Variants in CDH18 observed in about 807,000 individuals in gnomAD.
CDH18 encodes cadherin-18.
A neutral mutation model predicts 67.9 loss-of-function variants in CDH18; 31 were observed. That is an observed-to-expected ratio of 0.46 (90% CI 0.34 to 0.62). The LOEUF is 0.62. CDH18 is among the 20% of genes least tolerant of loss of function. The pLI, the probability that CDH18 is intolerant of heterozygous loss-of-function variation, is 0.01. For missense variants in CDH18, 890 were observed against 975.5 expected (o/e 0.91, Z 1.17); for synonymous variants, 362 against 347.2 (o/e 1.04, Z -0.48).
intron 2 of CDH18, among the ~76,000 whole-genome samples, chr5:20,232,282 C>CTATATGTTTCATTACCT (rs1554105363): frequency 6.6e-6 from 1 of 151,806 alleles, no homozygotes; most frequent in Non-Finnish European, 1.5e-5. Flanking sequence ...CACAAATGAT[C>CTATATGTTTCATTACCT]TATATGTTTC....
At chr5:19,848,216 A>G (rs1391429) in intron 2 of CDH18, 124,383 of 152,090 alleles carry the variant, frequency 0.82, 52,191 homozygotes, top group Non-Finnish European at 0.91. Context: ...AGTGCTCTGA[A>G]ACAAGTGAGA....
At chr5:20,113,865 T>G (rs1420815160) in intron 2 of CDH18, among the ~76,000 whole-genome samples, 1 of 152,178 alleles carries the variant, frequency 6.6e-6, no homozygotes, top group African/African-American at 2.4e-5. Flanking sequence ...GAGGATGAGC[T>G]TTATGAAAAA....
intron 8 of CDH18, among the ~76,000 whole-genome samples, chr5:19,561,961 G>A (rs1314493132): frequency 6.6e-6 from 1 of 152,020 alleles, no homozygotes; most frequent in Non-Finnish European, 1.5e-5. Flanking sequence ...CAAAATACAG[G>A]TTGTAGACAA....
At chr5:19,941,465 T>C (rs116360583) in intron 2 of CDH18, among the ~76,000 whole-genome samples, 136 of 152,108 alleles carry the variant, frequency 8.9e-4, no homozygotes, top group Non-Finnish European at 1.5e-3. Flanking sequence ...ATGTACTCTG[T>C]ACTGTTTGCT....
chr5:20,004,074 A>C (rs185517412), intron 2 of CDH18, among the ~76,000 whole-genome samples: 1 of 152,334 alleles, frequency 6.6e-6, no homozygotes, highest in African/African-American at 2.4e-5. Context: ...ATCTGAAGCC[A>C]ACTACTTGCT....
chr5:19,854,370 A>G (rs1461385963), intron 2 of CDH18, among the ~76,000 whole-genome samples: 2 of 152,162 alleles, frequency 1.3e-5, no homozygotes, highest in African/African-American at 4.8e-5. Context: ...CAAAATTTCA[A>G]ACTTTATATT....
At chr5:20,318,927 TTCTG>T (rs1459049805) in intron 1 of CDH18, among the ~76,000 whole-genome samples, 2 of 152,048 alleles carry the variant, frequency 1.3e-5, no homozygotes, top group Non-Finnish European at 2.9e-5. Context: ...ACATCAGATT[TTCTG>T]TCTATTTCCT....
At chr5:19,872,761 G>T (rs181983362) in intron 2 of CDH18, among the ~76,000 whole-genome samples, 1 of 152,182 alleles carries the variant, frequency 6.6e-6, no homozygotes, top group African/African-American at 2.4e-5. Context: ...GTAATAAATA[G>T]GTTTCAAGCG....
At chr5:19,597,760 T>C (rs1462812467) in intron 6 of CDH18, among the ~76,000 whole-genome samples, 1 of 152,162 alleles carries the variant, frequency 6.6e-6, no homozygotes, top group Admixed American at 6.5e-5. Flanking sequence ...ATAATCAAAT[T>C]CTCAGCTCAT....
At chr5:20,111,823 G>A (rs902715071) in intron 2 of CDH18, among the ~76,000 whole-genome samples, 2 of 151,966 alleles carry the variant, frequency 1.3e-5, no homozygotes, top group Admixed American at 6.6e-5. Context: ...GATTACAGGC[G>A]TGAGCCACCA....
At chr5:19,905,883 A>T (rs907698090) in intron 2 of CDH18, among the ~76,000 whole-genome samples, 3 of 152,102 alleles carry the variant, frequency 2.0e-5, no homozygotes, top group African/African-American at 4.8e-5. Context: ...GCAATAGATA[A>T]TATTAAAAAA....
At chr5:19,933,315 CT>C (rs1793909427) in intron 2 of CDH18, among the ~76,000 whole-genome samples, 1 of 151,554 alleles carries the variant, frequency 6.6e-6, no homozygotes, top group African/African-American at 2.4e-5. Flanking sequence ...TATCTGTGCT[CT>C]TGTGCAATTT....
intron 2 of CDH18, among the ~76,000 whole-genome samples, chr5:20,233,697 T>C (rs980040377): frequency 1.3e-5 from 2 of 152,138 alleles, no homozygotes; most frequent in African/African-American, 4.8e-5. Context: ...CTTTATTGTA[T>C]TCAAACCTGG....
chr5:20,348,722 G>C (rs78338368), intron 1 of CDH18, among the ~76,000 whole-genome samples: 2,129 of 152,244 alleles, frequency 0.014, 54 homozygotes, highest in African/African-American at 0.048. Flanking sequence ...CTACACATAA[G>C]ATGGGATGAG....
rs149943404 is a variant in CDH18, at chr5:19,902,255, C to T, written c.-256-63013G>A. On this transcript the variant is annotated intron_variant, in intron 2 of 12. Coordinates refer to ENST00000382275, the MANE Select transcript of CDH18 (RefSeq NM_004934.5). ...GAGATGGTCGAGATTCATCCTTCATCCCTTGAGTGTGAGTTACATTTAGTG... is the reference window on the plus strand; with the variant it reads ...GAGATGGTCGAGATTCATCCTTCATTCCTTGAGTGTGAGTTACATTTAGTG... 4.5e-3 allele frequency among the ~76,000 whole-genome samples: 688 copies of T among 152,258 alleles called. 7 individuals carry two copies. The highest frequency in any genetic ancestry group is 8.3e-3 in the Non-Finnish European group (562 of 68,022).
intron 2 of CDH18, among the ~76,000 whole-genome samples, chr5:19,923,875 T>C (rs1792782746): frequency 6.6e-6 from 1 of 152,212 alleles, no homozygotes; most frequent in Non-Finnish European, 1.5e-5. Context: ...GACAACTGCC[T>C]AAAGCTGTTG....
chr5:20,338,613 G>T (rs1462099713), intron 1 of CDH18, among the ~76,000 whole-genome samples: 1 of 152,206 alleles, frequency 6.6e-6, no homozygotes, highest in Non-Finnish European at 1.5e-5. Flanking sequence ...CAGTATGAAG[G>T]TTACATCCTT....
Position 20,033,238 on chromosome 5 carries a change from C to T in CDH18, c.-517-41224G>A, listed in dbSNP as rs114967867. ...AAAATGCTTCCTCCTTTACAAAATG[C>T]TGACGTTAAGCTAAGTAAGTTCTAT... On this transcript the variant is annotated intron_variant, in intron 2 of 14. Transcript: ENST00000507958. Among the ~76,000 whole-genome samples the T allele has an allele frequency of 2.6e-3, 393 of 152,022 alleles. 1 individual carries two copies. Among genetic ancestry groups the T allele is most frequent in the African/African-American group, 9.2e-3 (381 of 41,484 alleles).
chr5:19,739,580 T>A (rs1768833490), intron 4 of CDH18, among the ~76,000 whole-genome samples: 1 of 152,086 alleles, frequency 6.6e-6, no homozygotes, highest in African/African-American at 2.4e-5. Flanking sequence ...AAACTGTGGG[T>A]GGGTTGGTTT....
Sources: allele counts gnomAD v4.1 joint callset (sites outside exome capture counted in the v4.1 genomes callset), GRCh38; gene constraint gnomAD v4.1.1; transcripts MANE v1.5; gene names NCBI Gene and HGNC (gene_info 2026-07-23, HGNC 2026-07-21).